Variants in LOC730098 observed in about 807,000 individuals in gnomAD.
the LOC730098 span, chr9:34,666,030 G>T: frequency 3.2e-6 from 1 of 315,580 alleles, no homozygotes; most frequent in South Asian, 3.8e-5. Flanking sequence ...GCCCTCCCTG[G>T]CTCCACCCCG....
the LOC730098 span, chr9:34,665,156 G>C: frequency 4.8e-6 from 3 of 623,686 alleles, no homozygotes; most frequent in Non-Finnish European, 8.6e-6. Flanking sequence ...AGGCCTCGCA[G>C]AGGCTCCAGC....
chr9:34,665,437 T>A, the LOC730098 span: 1 of 694,834 alleles, frequency 1.4e-6, no homozygotes, highest in Non-Finnish European at 2.6e-6. Flanking sequence ...CCCTACAGAC[T>A]CCGCCCCGCG....
the LOC730098 span, chr9:34,665,230 G>A: frequency 1.6e-5 from 11 of 681,130 alleles, no homozygotes; most frequent in South Asian, 1.5e-4. Context: ...CGGGGCGGGA[G>A]CTACCGGATT....
chr9:34,665,945 C>T, the LOC730098 span: 4 of 522,094 alleles, frequency 7.7e-6, no homozygotes, highest in Non-Finnish European at 1.4e-5. Context: ...AGATTTGGGG[C>T]CCTGGGTGAG....
the LOC730098 span, chr9:34,665,459 T>A: frequency 6.7e-5 from 46 of 687,724 alleles, no homozygotes; most frequent in Non-Finnish European, 2.6e-6. Context: ...TGCCTCGCCG[T>A]CGAGGAAGGC....
the LOC730098 span, chr9:34,665,665 G>A: frequency 2.9e-6 from 2 of 701,118 alleles, no homozygotes; most frequent in Non-Finnish European, 5.2e-6. Context: ...GACATGTCCT[G>A]GGCTCCGAAC....
chr9:34,665,723 G>A, the LOC730098 span: 1 of 699,934 alleles, frequency 1.4e-6, no homozygotes, highest in South Asian at 1.5e-5. Flanking sequence ...CTAGCCCCAG[G>A]TCCCCTTCTC....
the LOC730098 span, chr9:34,665,592 G>A: frequency 9.9e-6 from 5 of 506,034 alleles, no homozygotes; most frequent in Admixed American, 5.0e-5. Flanking sequence ...TTCCTCCTCC[G>A]CAGAACCCGC....
the LOC730098 span, chr9:34,665,668 C>T: frequency 3.1e-5 from 22 of 700,982 alleles, no homozygotes; most frequent in Non-Finnish European, 4.4e-5. Context: ...ATGTCCTGGG[C>T]TCCGAACGTC....
At chr9:34,665,557 C>T in the LOC730098 span, 1 of 699,456 alleles carries the variant, frequency 1.4e-6, no homozygotes, top group Admixed American at 2.0e-5. Flanking sequence ...AGAACTCCAC[C>T]CTCCCCCACC....
chr9:34,664,612 G>A, the LOC730098 span: 1 of 157,446 alleles, frequency 6.4e-6, no homozygotes, highest in South Asian at 2.0e-4. Context: ...TGAACTGTAG[G>A]AAAGGTCGCC....
the LOC730098 span, chr9:34,665,491 G>T: frequency 1.4e-6 from 1 of 696,874 alleles, no homozygotes; most frequent in Non-Finnish European, 2.6e-6. Flanking sequence ...TCTAAAAGCG[G>T]CTCCCTTCGC....
the LOC730098 span, chr9:34,664,957 C>A: frequency 1.8e-6 from 1 of 555,102 alleles, no homozygotes; most frequent in Admixed American, 3.5e-5. Flanking sequence ...CGGAACAGAG[C>A]CCGTGTGGGG....
the LOC730098 span, chr9:34,665,404 G>A: frequency 1.0e-5 from 7 of 699,946 alleles, no homozygotes; most frequent in Non-Finnish European, 1.6e-5. Flanking sequence ...CGGGCGGGGC[G>A]GGGCGGGGCG....
chr9:34,665,768 G>A, the LOC730098 span: 62 of 671,136 alleles, frequency 9.2e-5, no homozygotes, highest in East Asian at 1.4e-3. Context: ...CAGTTCTCAG[G>A]TAATCTGAGG....
chr9:34,665,969 T>A, the LOC730098 span: 4 of 450,868 alleles, frequency 8.9e-6, no homozygotes, highest in African/African-American at 6.2e-5. Flanking sequence ...TTTCAGGGGC[T>A]GGGGTCACCT....
At chr9:34,665,564 C>A in the LOC730098 span, 1 of 700,450 alleles carries the variant, frequency 1.4e-6, no homozygotes, top group Non-Finnish European at 2.6e-6. Context: ...CACCCTCCCC[C>A]ACCCCGGAGC....
the LOC730098 span, chr9:34,664,703 G>A: frequency 8.5e-6 from 2 of 234,468 alleles, no homozygotes; most frequent in South Asian, 1.7e-4. Context: ...CTACACCTCT[G>A]CTTAAAATGT....
the LOC730098 span, chr9:34,665,850 G>C: frequency 1.7e-6 from 1 of 602,664 alleles, no homozygotes. Flanking sequence ...GGCACTGGAA[G>C]TTAAGGGGTG....
Sources: gnomAD v4.1 joint callset for allele counts on GRCh38, gnomAD v4.1.1 for gene constraint, MANE v1.5 for transcripts.